The following PRKN variants were observed in gnomAD, a reference collection of about 807,000 sequenced individuals.
PRKN encodes parkin RBR E3 ubiquitin protein ligase, also known as E3 ubiquitin-protein ligase parkin.
A neutral mutation model predicts 59.5 loss-of-function variants in PRKN; 56 were observed. That is an observed-to-expected ratio of 0.94 (90% CI 0.76 to 1.18). PRKN has a LOEUF of 1.18. Among genes scored for constraint, PRKN ranks in the 50% most tolerant of loss-of-function variants. The probability of loss-of-function intolerance (pLI) is 0.00; values close to 1 mark genes in which losing one functional copy is unlikely to be tolerated. For missense variants in PRKN, 657 were observed against 596.4 expected (o/e 1.10, Z -1.06); for synonymous variants, 250 against 222.1 (o/e 1.13, Z -1.12).
At position 162,598,805 on chromosome 6, in the gene PRKN, A is replaced by G. The variant is rs1052492767; in HGVS notation, c.7+128857T>C. On this transcript the variant is annotated intron_variant, in intron 1 of 11. Coordinates refer to ENST00000366898, the MANE Select transcript of PRKN (RefSeq NM_004562.3). ...GAGACGGAAGTTGCAGTGAGCTGAC[A>G]TCACGCCACTGCACTCCAACCTGGG... Among the ~76,000 whole-genome samples the G allele has an allele frequency of 4.0e-5, 6 of 148,824 alleles. No individual in the cohort carries two copies. In the Admixed American group the frequency reaches 4.1e-4, roughly 10 times the overall value.
At chr6:162,646,517 C>T (rs1778193244) in intron 1 of PRKN, among the ~76,000 whole-genome samples, 1 of 152,054 alleles carries the variant, frequency 6.6e-6, no homozygotes, top group East Asian at 1.9e-4. Flanking sequence ...CTCCTGGCCT[C>T]AAGCAATTCT....
chr6:162,039,035 AG>A (rs1474352455), intron 5 of PRKN, among the ~76,000 whole-genome samples: 1 of 152,096 alleles, frequency 6.6e-6, no homozygotes, highest in Non-Finnish European at 1.5e-5. Context: ...GGACGCCTGT[AG>A]TCCCAGCGAC....
chr6:162,623,055 A>C (rs1168903549), intron 1 of PRKN, among the ~76,000 whole-genome samples: 50 of 152,250 alleles, frequency 3.3e-4, no homozygotes, highest in Admixed American at 3.3e-3. Context: ...AAGAGAATTA[A>C]GCTAGTGTGT....
Position 161,423,346 on chromosome 6 carries a change from G to C in PRKN, c.1084-36469C>G, listed in dbSNP as rs1284510469. Reference sequence around the variant, plus strand: ...TGCAAACGGATAGCAGCTGAGACACGCTGTGTAACTTGCAGCTTACATGTA... The same window carrying C: ...TGCAAACGGATAGCAGCTGAGACACCCTGTGTAACTTGCAGCTTACATGTA... On this transcript the variant is annotated intron_variant, in intron 9 of 11. Transcript: ENST00000366898. The surrounding 1 kb of genome is among the most constrained non-coding windows in gnomAD (Gnocchi z 5.9). 6.6e-6 allele frequency among the ~76,000 whole-genome samples: 1 copy of C among 152,290 alleles called. No homozygotes were observed. Among genetic ancestry groups the C allele is most frequent in the Non-Finnish European group, 1.5e-5 (1 of 68,032 alleles).
chr6:162,202,952 T>C (rs141910493), intron 3 of PRKN, among the ~76,000 whole-genome samples: 402 of 152,136 alleles, frequency 2.6e-3, no homozygotes, highest in African/African-American at 9.4e-3. Context: ...TTTATAACCT[T>C]TTGTAAAGGT....
Position 162,096,685 on chromosome 6 carries a change from T to C in PRKN, c.535-42511A>G, listed in dbSNP as rs896887732. Among the ~76,000 whole-genome samples, 7 of 152,088 alleles carry C rather than the reference T, an allele frequency of 4.6e-5. 1 individual carries two copies. Among genetic ancestry groups the C allele is most frequent in the South Asian group, 4.1e-4 (2 of 4,828 alleles). ...CGCTTGGTTCTCATTCTCTTTTGCC[T>C]GCCGCCATGTAAGATGTGCCTTTGC... On this transcript the variant is annotated intron_variant, in intron 4 of 11. Coordinates refer to ENST00000366898, the MANE Select transcript of PRKN (RefSeq NM_004562.3).
intron 6 of PRKN, among the ~76,000 whole-genome samples, chr6:161,898,786 G>A (rs1375991558): frequency 6.6e-6 from 1 of 152,192 alleles, no homozygotes; most frequent in Non-Finnish European, 1.5e-5. Context: ...TCCCTAGGCT[G>A]CAACAGCTTT....
At chr6:162,653,007 T>G (rs1778503727) in intron 1 of PRKN, among the ~76,000 whole-genome samples, 1 of 152,202 alleles carries the variant, frequency 6.6e-6, no homozygotes, top group Non-Finnish European at 1.5e-5. Context: ...AAACTCTATG[T>G]GATAATTCAA....
At chr6:161,708,671 G>A (rs2128181581) in intron 7 of PRKN, among the ~76,000 whole-genome samples, 1 of 152,198 alleles carries the variant, frequency 6.6e-6, no homozygotes, top group African/African-American at 2.4e-5. Flanking sequence ...TGCATTTTAT[G>A]CCCTAGATTA....
At chr6:162,144,648 G>T (rs529303859) in intron 4 of PRKN, among the ~76,000 whole-genome samples, 1 of 152,270 alleles carries the variant, frequency 6.6e-6, no homozygotes, top group South Asian at 2.1e-4. Flanking sequence ...ACTGCAGAGG[G>T]GGCATAATGA....
At chr6:162,164,098 G>A (rs548727488) in intron 4 of PRKN, among the ~76,000 whole-genome samples, 1 of 149,246 alleles carries the variant, frequency 6.7e-6, no homozygotes, top group Non-Finnish European at 1.5e-5. Flanking sequence ...GCTCAAGTGT[G>A]GAATACCAGC....
rs1001920996 is a variant in PRKN, at chr6:162,056,042, A to G, written c.535-1868T>C. ...GCACACAGCATGCCACACACCACAC[A>G]TGCATAAACACACCACATACATACA... On this transcript the variant is annotated intron_variant, in intron 4 of 11. Transcript: ENST00000366898. The surrounding 1 kb of genome is among the most constrained non-coding windows in gnomAD (Gnocchi z 4.9). Among the ~76,000 whole-genome samples the G allele has an allele frequency of 1.3e-5, 2 of 150,352 alleles. No individual in the cohort carries two copies. Among genetic ancestry groups the G allele is most frequent in the Admixed American group, 6.6e-5 (1 of 15,130 alleles).
chr6:162,354,350 AT>A (rs1784754859), intron 2 of PRKN, among the ~76,000 whole-genome samples: 1 of 152,130 alleles, frequency 6.6e-6, no homozygotes, highest in South Asian at 2.1e-4. Flanking sequence ...CAAGATGAGA[AT>A]AAAATTGCGT....
At chr6:161,505,999 G>C (rs867235502) in intron 9 of PRKN, among the ~76,000 whole-genome samples, 11 of 151,952 alleles carry the variant, frequency 7.2e-5, no homozygotes, top group South Asian at 2.1e-4. Flanking sequence ...GGATTGACTT[G>C]GCGATGCGGG....
At chr6:161,647,231 A>G (rs1275059404) in intron 7 of PRKN, among the ~76,000 whole-genome samples, 5 of 152,190 alleles carry the variant, frequency 3.3e-5, no homozygotes, top group Non-Finnish European at 5.9e-5. Flanking sequence ...GAGCCTTTTC[A>G]TATATTGTTT....
At chr6:162,002,174 A>G (rs1782085028) in intron 5 of PRKN, among the ~76,000 whole-genome samples, 1 of 152,002 alleles carries the variant, frequency 6.6e-6, no homozygotes, top group African/African-American at 2.4e-5. Flanking sequence ...GGCTTCATAG[A>G]GGGAATTAGA....
intron 1 of PRKN, among the ~76,000 whole-genome samples, chr6:162,510,262 A>G (rs1209739883): frequency 6.6e-6 from 1 of 152,214 alleles, no homozygotes; most frequent in Non-Finnish European, 1.5e-5. Context: ...CTCTTTTGCA[A>G]TTGTAATTGA....
chr6:162,673,586 A>G (rs946193990), intron 1 of PRKN, among the ~76,000 whole-genome samples: 3 of 152,070 alleles, frequency 2.0e-5, no homozygotes, highest in Non-Finnish European at 2.9e-5. Flanking sequence ...GAGTTTCACC[A>G]TGTTGCCCAG....
rs572030415 is a variant in PRKN, at chr6:162,696,180, G to A, written c.7+31482C>T. Among the ~76,000 whole-genome samples, 57 of 152,172 alleles carry A rather than the reference G, an allele frequency of 3.7e-4. No homozygotes were observed. The South Asian group carries it at 3.9e-3, about 11-fold the overall frequency. On this transcript the variant is annotated intron_variant, in intron 1 of 11. Coordinates refer to ENST00000366898, the MANE Select transcript of PRKN (RefSeq NM_004562.3). ...TCATTAAAAAGGCAAAAAATGTCCCGGTAGCAATGATTTCTAAGTATCATA... is the reference window on the plus strand; with the variant it reads ...TCATTAAAAAGGCAAAAAATGTCCCAGTAGCAATGATTTCTAAGTATCATA...
Sources: gnomAD v4.1 joint callset for allele counts (sites outside exome capture counted in the v4.1 genomes callset) on GRCh38, gnomAD v4.1.1 for gene constraint, Gnocchi (gnomAD v3.1) non-coding constraint, MANE v1.5 for transcripts, NCBI Gene and HGNC (gene_info 2026-07-23, HGNC 2026-07-21) for gene names.